LRRC4C: variants seen among roughly 807,000 people sequenced by gnomAD.
LRRC4C encodes the protein leucine-rich repeat-containing protein 4C.
In LRRC4C, 5 loss-of-function variants were observed where a neutral mutation model predicts 33.6. That is an observed-to-expected ratio of 0.15 (90% CI 0.08 to 0.31). The LOEUF (loss-of-function observed/expected upper bound fraction) is 0.31, where lower values mean the gene tolerates loss of function less well. Among genes scored for constraint, LRRC4C ranks in the 10% least tolerant of loss-of-function variants. The pLI is 1.00. For missense variants in LRRC4C, 560 were observed against 796.7 expected (o/e 0.70, Z 3.58); for synonymous variants, 329 against 302.0 (o/e 1.09, Z -0.93).
chr11:40,509,541 AG>A (rs1955204991), intron 3 of LRRC4C, among the ~76,000 whole-genome samples: 1 of 151,994 alleles, frequency 6.6e-6, no homozygotes, highest in Admixed American at 6.6e-5. Flanking sequence ...AATGAGAGAA[AG>A]TCTATTTTCA....
At chr11:41,267,314 C>G (rs1006462024) in intron 1 of LRRC4C, among the ~76,000 whole-genome samples, 11 of 152,116 alleles carry the variant, frequency 7.2e-5, no homozygotes, top group Admixed American at 2.6e-4. Context: ...CCTGCTACCA[C>G]TTAGAAGGGG....
chr11:40,832,072 A>G (rs1434098180), intron 2 of LRRC4C, among the ~76,000 whole-genome samples: 1 of 152,158 alleles, frequency 6.6e-6, no homozygotes, highest in African/African-American at 2.4e-5. Flanking sequence ...GTGTACTTAC[A>G]CAAACTTAGT....
chr11:40,134,902 G>T (rs1205648964), intron 6 of LRRC4C, among the ~76,000 whole-genome samples: 2 of 152,108 alleles, frequency 1.3e-5, no homozygotes, highest in Non-Finnish European at 2.9e-5. Context: ...TGACTTAAGA[G>T]TTTAATAAAT....
At chr11:41,045,063 G>A (rs986573710) in intron 1 of LRRC4C, among the ~76,000 whole-genome samples, 6 of 152,064 alleles carry the variant, frequency 3.9e-5, no homozygotes, top group African/African-American at 7.2e-5. Flanking sequence ...CTTGAAAATC[G>A]TTACTCATCA....
chr11:40,131,165 TAGTC>T (rs1300972775), intron 6 of LRRC4C, among the ~76,000 whole-genome samples: 1 of 152,212 alleles, frequency 6.6e-6, no homozygotes, highest in African/African-American at 2.4e-5. Flanking sequence ...TTTTAATTCA[TAGTC>T]AGCAGCCAAA....
intron 1 of LRRC4C, among the ~76,000 whole-genome samples, chr11:40,975,387 G>A (rs1852011730): frequency 6.6e-6 from 1 of 152,046 alleles, no homozygotes; most frequent in Admixed American, 6.6e-5. Context: ...GTCTCTCTGG[G>A]GAACCCTAAT....
At chr11:40,298,838 C>G (rs1307293267) in intron 4 of LRRC4C, among the ~76,000 whole-genome samples, 2 of 152,056 alleles carry the variant, frequency 1.3e-5, no homozygotes, top group Non-Finnish European at 2.9e-5. Flanking sequence ...GCAGGGAAAA[C>G]TGTCTTACAA....
chr11:40,214,769 C>T (rs1863853964), intron 5 of LRRC4C, among the ~76,000 whole-genome samples: 1 of 152,136 alleles, frequency 6.6e-6, no homozygotes, highest in Non-Finnish European at 1.5e-5. Context: ...GTTGTTTAAA[C>T]CACCAAGTCT....
At chr11:40,877,622 G>A (rs886102848) in intron 2 of LRRC4C, among the ~76,000 whole-genome samples, 1 of 152,158 alleles carries the variant, frequency 6.6e-6, no homozygotes, top group African/African-American at 2.4e-5. Context: ...TTAGTAGCTG[G>A]CATGATCAAC....
At chr11:40,495,298 C>A (rs576797602) in intron 3 of LRRC4C, among the ~76,000 whole-genome samples, 32 of 152,188 alleles carry the variant, frequency 2.1e-4, no homozygotes, top group African/African-American at 7.7e-4. Context: ...TCCGCCCCCC[C>A]CGCCAGAAAA....
At chr11:40,179,274 G>A (rs774559643) in intron 5 of LRRC4C, among the ~76,000 whole-genome samples, 1 of 151,998 alleles carries the variant, frequency 6.6e-6, no homozygotes, top group Non-Finnish European at 1.5e-5. Context: ...AAATTGCTGG[G>A]ATTATAGGTG....
chr11:40,444,507 TTGAAG>T (rs1951542134), intron 3 of LRRC4C, among the ~76,000 whole-genome samples: 1 of 151,892 alleles, frequency 6.6e-6, no homozygotes, highest in Non-Finnish European at 1.5e-5. Context: ...TTTAACTGAA[TTGAAG>T]TGGTTTTACT....
chr11:41,191,215 G>A (rs989673794), intron 1 of LRRC4C, among the ~76,000 whole-genome samples: 17 of 152,082 alleles, frequency 1.1e-4, no homozygotes, highest in South Asian at 6.2e-4. Context: ...ACTAAGCTAC[G>A]GTTTCTTAGA....
chr11:40,959,904 A>AGATGCTTTT (rs1325000987), intron 1 of LRRC4C, among the ~76,000 whole-genome samples: 8 of 151,776 alleles, frequency 5.3e-5, no homozygotes, highest in Non-Finnish European at 1.0e-4. Flanking sequence ...TTTAGGATTT[A>AGATGCTTTT]GATGCTTTTG....
intron 3 of LRRC4C, among the ~76,000 whole-genome samples, chr11:40,455,319 C>A (rs1393845300): frequency 2.0e-5 from 3 of 152,176 alleles, no homozygotes; most frequent in African/African-American, 7.2e-5. Flanking sequence ...GCTTTTGTGT[C>A]CATCCTCACT....
intron 2 of LRRC4C, among the ~76,000 whole-genome samples, chr11:40,852,059 C>T (rs965208866): frequency 8.6e-5 from 13 of 151,926 alleles, no homozygotes; most frequent in Non-Finnish European, 1.5e-4. Context: ...GAACTCCTGA[C>T]CTCATGATCC....
At chr11:41,291,668 T>C (rs1003644823) in intron 1 of LRRC4C, among the ~76,000 whole-genome samples, 1 of 152,146 alleles carries the variant, frequency 6.6e-6, no homozygotes, top group Non-Finnish European at 1.5e-5. Context: ...AGGTTCTCCC[T>C]ACTCTTCCAA....
intron 1 of LRRC4C, among the ~76,000 whole-genome samples, chr11:41,290,629 C>G (rs1047178486): frequency 3.9e-5 from 6 of 152,082 alleles, no homozygotes; most frequent in African/African-American, 1.4e-4. Context: ...CAATATAACA[C>G]TAGAAATGAA....
At chr11:40,497,753 A>G (rs1006523979) in intron 3 of LRRC4C, among the ~76,000 whole-genome samples, 1 of 152,204 alleles carries the variant, frequency 6.6e-6, no homozygotes, top group Non-Finnish European at 1.5e-5. Context: ...AGAAATCATC[A>G]GAAGTCACAA....
Sources: allele counts gnomAD v4.1 joint callset (sites outside exome capture counted in the v4.1 genomes callset), GRCh38; gene constraint gnomAD v4.1.1; transcripts MANE v1.5; gene names NCBI Gene and HGNC (gene_info 2026-07-23, HGNC 2026-07-21).